Variants in PEX1 observed in about 807,000 individuals in gnomAD.
PEX1 encodes peroxisomal biogenesis factor 1.
Under a neutral mutation model 152.5 loss-of-function variants are expected in PEX1, and 97 were observed. That is an observed-to-expected ratio of 0.64 (90% CI 0.54 to 0.75). The LOEUF (loss-of-function observed/expected upper bound fraction) is 0.75, where lower values mean the gene tolerates loss of function less well. Ranked by LOEUF, PEX1 falls within the 30% of genes least tolerant of loss-of-function variation. The pLI, the probability that PEX1 is intolerant of heterozygous loss-of-function variation, is 0.00. For synonymous variants in PEX1, 485 were observed against 531.6 expected (o/e 0.91, Z 1.21); for missense variants, 1,357 against 1,516.3 (o/e 0.89, Z 1.74).
At chr7:92,496,002 T>A (rs1354348323) in intron 17 of PEX1, among the ~76,000 whole-genome samples, 1 of 152,142 alleles carries the variant, frequency 6.6e-6, no homozygotes, top group Non-Finnish European at 1.5e-5. Context: ...CTCCCAAATA[T>A]TTTCCACTAT....
chr7:92,528,469 T>C lies in PEX1; in HGVS notation c.-34A>G, dbSNP rs1793411476. 6.5e-7 allele frequency: 1 copy of C among 1,549,474 alleles called. No individual in the cohort carries two copies. The highest frequency in any genetic ancestry group is 1.4e-5 in the African/African-American group (1 of 73,444). On this transcript the variant is annotated 5_prime_UTR_variant, in exon 1 of 24. Coordinates refer to ENST00000248633, the MANE Select transcript of PEX1 (RefSeq NM_000466.3). ...AGCGTCGCTCTGGGTTCGCCCACCC[T>C]AGCGCCGCAAAGGACCCGGGACCCG...
At chr7:92,525,959 G>C (rs1793246969) in intron 1 of PEX1, among the ~76,000 whole-genome samples, 2 of 152,164 alleles carry the variant, frequency 1.3e-5, no homozygotes, top group Non-Finnish European at 2.9e-5. Context: ...AAATGACTGA[G>C]GGAAGAATGG....
chr7:92,511,166 G>T (rs1353489583), intron 7 of PEX1, 119 bp from the exon 8 acceptor site: 1 of 630,082 alleles, frequency 1.6e-6, no homozygotes, highest in East Asian at 2.9e-5. Flanking sequence ...CCCCAACAGG[G>T]TCTCACTCTG....
At chr7:92,488,114 T>C (rs1032552337) in intron 23 of PEX1, among the ~76,000 whole-genome samples, 18 of 152,186 alleles carry the variant, frequency 1.2e-4, no homozygotes, top group Non-Finnish European at 1.5e-5. Context: ...TAAAATGACA[T>C]TTAAAAACAA....
chr7:92,521,196 C>T (rs1793034789), intron 2 of PEX1, among the ~76,000 whole-genome samples: 1 of 152,076 alleles, frequency 6.6e-6, no homozygotes, highest in African/African-American at 2.4e-5. Context: ...GAACTCGTGG[C>T]CTCAAGTGGT....
rs1215133377 is a variant in PEX1 at position 92,499,841 on chromosome 7, G to GA, written c.2584-4dup. 2 of 1,508,736 alleles carry GA rather than the reference G, an allele frequency of 1.3e-6. No homozygotes were observed. Among genetic ancestry groups the GA allele is most frequent in the Non-Finnish European group, 8.9e-7 (1 of 1,123,376 alleles). 93.5% of individuals were successfully genotyped at this position (1,508,736 alleles called of 1,614,324 possible). A position where few individuals can be genotyped will look rare whatever the true frequency, so the allele number is the denominator to read the frequency against. ...AAGTTTGCAAATAATTCTGGATACTGAGAAACAAAAAAAAAAAATATGAAA... is the reference window on the plus strand; with the variant it reads ...AAGTTTGCAAATAATTCTGGATACTGAAGAAACAAAAAAAAAAAATATGAAA... On this transcript the variant is annotated splice_region_variant and splice_polypyrimidine_tract_variant and intron_variant, in intron 15 of 23. Transcript: ENST00000248633.
At chr7:92,487,867 G>C (rs981386619) in intron 23 of PEX1, among the ~76,000 whole-genome samples, 8 of 152,124 alleles carry the variant, frequency 5.3e-5, no homozygotes, top group Non-Finnish European at 1.2e-4. Context: ...AAAGGGCCAA[G>C]TTTAGAAAAA....
intron 8 of PEX1, among the ~76,000 whole-genome samples, chr7:92,510,145 A>C (rs902877182): frequency 2.7e-4 from 3 of 11,248 alleles, no homozygotes; most frequent in Non-Finnish European, 6.8e-4. Context: ...CTCCATCTCA[A>C]AAAAAAAAAA....
In PEX1 at chr7:92,501,912, A is replaced by G; in HGVS notation, c.2394T>C (p.Arg798=). 1 of 1,613,894 alleles carries G rather than the reference A, an allele frequency of 6.2e-7. No individual in the cohort carries two copies. The highest frequency in any genetic ancestry group is 8.5e-7 in the Non-Finnish European group (1 of 1,179,796). The part of the protein sequence containing the change: ...VDRAIHSRLS[R]QSISTREKLV... ...TACTTTCTCTGGTGGATATACTCTG[A>G]CGAGAGAGTCGAGAATGTATGGCTC... The change falls in exon 14 of 24, where the codon CGT becomes CGC. Residue 798 remains arginine (R), a synonymous_variant. Transcript: ENST00000248633.
Position 92,522,264 on chromosome 7 carries a change from A to G in PEX1, c.130-19T>C. The G allele has an allele frequency of 6.2e-7, 1 of 1,612,536 alleles. No individual in the cohort carries two copies. The highest frequency in any genetic ancestry group is 8.5e-7 in the Non-Finnish European group (1 of 1,179,254). On this transcript the variant is annotated intron_variant, in intron 1 of 23. Coordinates refer to ENST00000248633, the MANE Select transcript of PEX1 (RefSeq NM_000466.3). Reference sequence around the variant, plus strand: ...CTTGATTCTATTCATATAAGAAATGAGAGGAAAAAAGGTTTTCGTATACAT... The same window carrying G: ...CTTGATTCTATTCATATAAGAAATGGGAGGAAAAAAGGTTTTCGTATACAT...
chr7:92,505,534 A>T (rs1030641664), intron 11 of PEX1, among the ~76,000 whole-genome samples: 1 of 152,250 alleles, frequency 6.6e-6, no homozygotes, highest in Non-Finnish European at 1.5e-5. Context: ...AAATAAAAAA[A>T]GTAGGATGTG....
rs1381995602 is a variant in PEX1, at chr7:92,511,639, G to A, written c.1424C>T (p.Thr475Ile). The change falls in exon 7 of 24, where the codon ACC becomes ATC. Residue 475 changes from threonine (T) to isoleucine (I), a missense_variant. Physicochemically the swap from Thr to Ile is moderately conservative, Grantham distance 89. Coordinates refer to ENST00000248633, the MANE Select transcript of PEX1 (RefSeq NM_000466.3). Reference sequence around the variant, plus strand: ...TGATATTACCAAAGGAAGCATGGTGGTAGTAGACTGCTGTAGCCATGAATA... The same window carrying A: ...TGATATTACCAAAGGAAGCATGGTGATAGTAGACTGCTGTAGCCATGAATA... ...VFYSWLQQST[T>I]TMLPLVISEE... 1 of 1,609,838 alleles carries A rather than the reference G, an allele frequency of 6.2e-7. No homozygotes were observed. Among genetic ancestry groups the A allele is most frequent in the East Asian group, 2.2e-5 (1 of 44,818 alleles).
At chr7:92,507,765 C>G (rs1792272669) in intron 9 of PEX1, 1 of 151,842 alleles carries the variant, frequency 6.6e-6, no homozygotes, top group Non-Finnish European at 1.5e-5. Context: ...GCCTTAGCCT[C>G]CCGAGTAGCT....
rs766466837 is a variant in PEX1 at position 92,489,779 on chromosome 7, CT to C, written c.3570del (p.Glu1191AsnfsTer6). On this transcript the variant is annotated frameshift_variant, in exon 22 of 24. Coordinates refer to ENST00000248633, the MANE Select transcript of PEX1 (RefSeq NM_000466.3). LOFTEE classifies it high-confidence loss of function. ...ASQEGCQELTQEQRDQLRADI... is the reference protein window; with the variant it reads ...ASQEGCQELTXEQRDQLRADI... ...TCTGCCCTCAGTTGATCTCTTTGTT[CT>C]TGTGTAAGTTCTTGGCAACCCTCTT... 1.2e-6 allele frequency: 2 copies of C among 1,614,090 alleles called. No homozygotes were observed.
At position 92,517,678 on chromosome 7, in the gene PEX1, C is replaced by G. The variant is rs369501940; in HGVS notation, c.837G>C (p.Lys279Asn). The G allele has an allele frequency of 1.9e-6, 3 of 1,613,714 alleles. No individual in the cohort carries two copies. The African/African-American group carries it at 4.0e-5, about 22-fold the overall frequency. The change falls in exon 5 of 24, where the codon AAG becomes AAC. Residue 279 changes from lysine to asparagine, a missense_variant. Transcript: ENST00000248633. Reference sequence around the variant, plus strand: ...TGAAAATATTGTCTAGAGGAACAACCTTTGACTGCATATTTTTGAATGCAT... The same window carrying G: ...TGAAAATATTGTCTAGAGGAACAACGTTTGACTGCATATTTTTGAATGCAT... ...EINAFKNMQS[K>N]VVPLDNIFRV...
At chr7:92,492,928 A>T (rs749706279) in intron 20 of PEX1, 25 bp downstream of exon 20, 5 of 1,584,556 alleles carry the variant, frequency 3.2e-6, no homozygotes, top group Non-Finnish European at 4.3e-6. Context: ...ATAAAATGTC[A>T]TAACAACTTC....
chr7:92,512,827 T>C (rs1792541138), intron 6 of PEX1, among the ~76,000 whole-genome samples: 1 of 151,954 alleles, frequency 6.6e-6, no homozygotes, highest in Non-Finnish European at 1.5e-5. Context: ...GATGGGGTCT[T>C]GCTATGTTGC....
intron 1 of PEX1, among the ~76,000 whole-genome samples, chr7:92,524,403 G>C (rs1276714309): frequency 2.0e-5 from 3 of 152,024 alleles, no homozygotes; most frequent in African/African-American, 7.2e-5. Context: ...AAGTAGCTGG[G>C]ATTACAGGCC....
intron 2 of PEX1, among the ~76,000 whole-genome samples, chr7:92,520,536 G>A (rs1249242707): frequency 6.6e-6 from 1 of 152,140 alleles, no homozygotes; most frequent in Non-Finnish European, 1.5e-5. Flanking sequence ...ATCTATATAA[G>A]TTTTAAACGT....
Sources: gnomAD v4.1 joint callset for allele counts (sites outside exome capture counted in the v4.1 genomes callset) on GRCh38, gnomAD v4.1.1 for gene constraint, MANE v1.5 for transcripts, NCBI Gene and HGNC (gene_info 2026-07-23, HGNC 2026-07-21) for gene names.